Variants in MAN1A1 observed in about 807,000 individuals in gnomAD.
The protein encoded by MAN1A1 is mannosidase alpha class 1A member 1, also known as mannosyl-oligosaccharide 1,2-alpha-mannosidase IA.
A neutral mutation model predicts 70.8 loss-of-function variants in MAN1A1; 29 were observed. The ratio of observed to expected loss-of-function variants is 0.41; its 90% CI spans 0.31 to 0.56. The LOEUF is 0.56. Among genes scored for constraint, MAN1A1 ranks in the 20% least tolerant of loss-of-function variants. The probability of loss-of-function intolerance (pLI) is 0.29; values close to 1 mark genes in which losing one functional copy is unlikely to be tolerated. For missense variants in MAN1A1, 747 were observed against 841.3 expected, an observed-to-expected ratio of 0.89 and a Z score of 1.39; for synonymous variants, 349 against 330.1, an observed-to-expected ratio of 1.06 and a Z score of -0.62.
intron 2 of MAN1A1, among the ~76,000 whole-genome samples, chr6:119,339,821 T>A (rs1055054071): frequency 1.3e-5 from 2 of 152,218 alleles, no homozygotes; most frequent in African/African-American, 4.8e-5. Context: ...ACACGCATGG[T>A]GGCTCATGCC....
chr6:119,306,976 C>A lies in MAN1A1; in HGVS notation c.620G>T (p.Trp207Leu). The change falls in exon 3 of 13, where the codon TGG becomes TTG. Residue 207 changes from tryptophan (W) to leucine (L), a missense_variant. Physicochemically the swap from Trp to Leu is moderately conservative, Grantham distance 61 (BLOSUM62 -2). Around this residue, in one of 2 missense-constraint regions of MAN1A1, gnomAD observed 419 missense variants for 548.2 expected, o/e 0.76. Coordinates refer to ENST00000368468, the MANE Select transcript of MAN1A1 (RefSeq NM_005907.4). ...CCAGGCATAACCTTTATAATTATTC[C>A]AAGCATGTTTCATCATCTGAAAAAA... is the stretch of plus-strand genomic sequence containing the variant. ...AKIKEMMKHAWNNYKGYAWGL... is the reference protein window; with the variant it reads ...AKIKEMMKHALNNYKGYAWGL... 2 of 1,577,710 alleles carry A rather than the reference C, an allele frequency of 1.3e-6. No homozygotes were observed. The highest frequency in any genetic ancestry group is 8.7e-7 in the Non-Finnish European group (1 of 1,149,574).
intron 8 of MAN1A1, among the ~76,000 whole-genome samples, chr6:119,201,051 C>A (rs982545344): frequency 6.6e-5 from 10 of 152,140 alleles, no homozygotes; most frequent in Admixed American, 4.6e-4. Context: ...TATGTCATCA[C>A]ACTTGGAGTT....
intron 11 of MAN1A1, among the ~76,000 whole-genome samples, chr6:119,181,705 T>C (rs1237229314): frequency 2.6e-5 from 4 of 151,648 alleles, no homozygotes; most frequent in African/African-American, 9.8e-5. Flanking sequence ...TTCTTTCTTT[T>C]GTTTGTTTCT....
At chr6:119,246,856 T>A (rs755662633) in intron 6 of MAN1A1, among the ~76,000 whole-genome samples, 2 of 152,092 alleles carry the variant, frequency 1.3e-5, no homozygotes, top group Non-Finnish European at 2.9e-5. Flanking sequence ...ACAGTACATG[T>A]ATGATCTTCA....
intron 6 of MAN1A1, among the ~76,000 whole-genome samples, chr6:119,244,081 A>C (rs2114313734): frequency 6.6e-6 from 1 of 152,242 alleles, no homozygotes; most frequent in Non-Finnish European, 1.5e-5. Flanking sequence ...GGGAACATTA[A>C]CTACATTATT....
chr6:119,256,602 G>A (rs1241114350), intron 5 of MAN1A1, among the ~76,000 whole-genome samples: 1 of 152,090 alleles, frequency 6.6e-6, no homozygotes, highest in African/African-American at 2.4e-5. Context: ...TCGTGGCAGT[G>A]TTTCCCTGAG....
chr6:119,276,706 T>C (rs1182935457), intron 5 of MAN1A1, among the ~76,000 whole-genome samples: 1 of 152,224 alleles, frequency 6.6e-6, no homozygotes, highest in African/African-American at 2.4e-5. Flanking sequence ...TTAATAATCA[T>C]AATATCAAGT....
chr6:119,322,138 C>T (rs557047559), intron 2 of MAN1A1, among the ~76,000 whole-genome samples: 1 of 152,262 alleles, frequency 6.6e-6, no homozygotes, highest in East Asian at 1.9e-4. Flanking sequence ...TTCCTTTGTG[C>T]CAGGCAGAAC....
intron 7 of MAN1A1, 56 bp from the exon 8 acceptor site, chr6:119,201,403 T>C (rs1773709838): frequency 1.9e-6 from 2 of 1,065,276 alleles, no homozygotes; most frequent in Non-Finnish European, 2.9e-6. Flanking sequence ...TTTCATGCCA[T>C]TCTTCTTCTT....
chr6:119,214,803 G>T (rs1774152289), intron 6 of MAN1A1, among the ~76,000 whole-genome samples: 1 of 152,098 alleles, frequency 6.6e-6, no homozygotes, highest in Non-Finnish European at 1.5e-5. Context: ...ACCACACTTG[G>T]CCCACTACAG....
At chr6:119,230,260 G>A (rs1774641079) in intron 6 of MAN1A1, among the ~76,000 whole-genome samples, 1 of 152,144 alleles carries the variant, frequency 6.6e-6, no homozygotes, top group South Asian at 2.1e-4. Flanking sequence ...TGGTCATAAT[G>A]CTTTATGGCT....
At chr6:119,194,517 T>C (rs1400820301) in intron 8 of MAN1A1, among the ~76,000 whole-genome samples, 1 of 152,160 alleles carries the variant, frequency 6.6e-6, no homozygotes, top group African/African-American at 2.4e-5. Context: ...AGAGACGGCA[T>C]CTTGCTATGT....
At chr6:119,185,067 T>G (rs1279725283) in intron 11 of MAN1A1, among the ~76,000 whole-genome samples, 1 of 152,214 alleles carries the variant, frequency 6.6e-6, no homozygotes, top group East Asian at 1.9e-4. Context: ...TTTTTAAATT[T>G]TGTAAAGACA....
intron 6 of MAN1A1, among the ~76,000 whole-genome samples, chr6:119,246,471 C>T (rs1775169896): frequency 6.6e-6 from 1 of 152,130 alleles, no homozygotes. Flanking sequence ...CACAAAGTAA[C>T]TACTGAGTTC....
chr6:119,244,994 T>C (rs1775133282), intron 6 of MAN1A1, among the ~76,000 whole-genome samples: 1 of 152,118 alleles, frequency 6.6e-6, no homozygotes, highest in African/African-American at 2.4e-5. Flanking sequence ...CTTTAGGCAA[T>C]AACCAGAATA....
At chr6:119,285,101 G>A (rs934434965) in intron 5 of MAN1A1, among the ~76,000 whole-genome samples, 3 of 151,706 alleles carry the variant, frequency 2.0e-5, no homozygotes, top group African/African-American at 4.8e-5. Flanking sequence ...CAGAGGGGGA[G>A]CAGGAGAGAC....
chr6:119,216,584 A>G (rs935657674), intron 6 of MAN1A1, among the ~76,000 whole-genome samples: 11 of 152,204 alleles, frequency 7.2e-5, no homozygotes, highest in Admixed American at 3.3e-4. Context: ...TATAATAACT[A>G]TCACCCACAA....
At position 119,199,895 on chromosome 6, in the gene MAN1A1, T is replaced by G. The variant is rs535789208; in HGVS notation, c.1210+1359A>C. ...ATGAGCTGAGATTATGACACTGTAC[T>G]CCAGCCTGGGTGACACAGTGGGACC... On this transcript the variant is annotated intron_variant, in intron 8 of 12. Transcript: ENST00000368468. Among the ~76,000 whole-genome samples the G allele has an allele frequency of 8.6e-5, 13 of 151,046 alleles. No individual in the cohort carries two copies. The South Asian group carries it at 2.7e-3, about 32-fold the overall frequency.
intron 8 of MAN1A1, among the ~76,000 whole-genome samples, chr6:119,195,929 CTAAA>C (rs902610043): frequency 6.6e-6 from 1 of 152,150 alleles, no homozygotes; most frequent in African/African-American, 2.4e-5. Context: ...CATTTACAAA[CTAAA>C]TAGACTAAGT....
Sources: gnomAD v4.1 joint callset for allele counts (sites outside exome capture counted in the v4.1 genomes callset) on GRCh38, gnomAD v4.1.1 for gene constraint, gnomAD v4.1.1 regional missense constraint, MANE v1.5 for transcripts, NCBI Gene and HGNC (gene_info 2026-07-23, HGNC 2026-07-21) for gene names.